Variants in FOXP1 observed in about 807,000 individuals in gnomAD.
FOXP1 encodes the protein forkhead box P1.
Under a neutral mutation model 98.2 loss-of-function variants are expected in FOXP1, and 15 were observed. The ratio of observed to expected loss-of-function variants is 0.15; its 90% confidence interval spans 0.10 to 0.24. The LOEUF (loss-of-function observed/expected upper bound fraction) is 0.24. Among genes scored for constraint, FOXP1 ranks in the 10% least tolerant of loss-of-function variants. The pLI is 1.00. For missense variants in FOXP1, 633 were observed against 848.5 expected, an observed-to-expected ratio of 0.75 and a Z score of 3.15; for synonymous variants, 371 against 314.5, an observed-to-expected ratio of 1.18 and a Z score of -1.90.
intron 3 of FOXP1, among the ~76,000 whole-genome samples, chr3:71,406,100 C>G: frequency 6.6e-6 from 1 of 152,036 alleles, no homozygotes. Context: ...TTCCAGTCAC[C>G]GTACCATACC....
chr3:71,406,425 G>T (rs913897815), intron 3 of FOXP1, among the ~76,000 whole-genome samples: 13 of 66,516 alleles, frequency 2.0e-4, no homozygotes, highest in Non-Finnish European at 3.6e-4. Flanking sequence ...ATATATATAT[G>T]GTACAGTATG....
At chr3:71,298,088 C>G (rs1576837738) in intron 5 of FOXP1, among the ~76,000 whole-genome samples, 2 of 152,144 alleles carry the variant, frequency 1.3e-5, no homozygotes, top group East Asian at 3.9e-4. Flanking sequence ...TGAATGCCCC[C>G]ACAAGTAGAA....
intron 5 of FOXP1, among the ~76,000 whole-genome samples, chr3:71,273,888 G>A (rs2070639749): frequency 6.6e-6 from 1 of 152,228 alleles, no homozygotes; most frequent in African/African-American, 2.4e-5. Context: ...AGGCCATTGT[G>A]AGGCTAGATA....
At chr3:71,552,561 T>A (rs1036657034) in intron 2 of FOXP1, among the ~76,000 whole-genome samples, 2 of 151,840 alleles carry the variant, frequency 1.3e-5, no homozygotes, top group Non-Finnish European at 2.9e-5. Flanking sequence ...TAACAAAAAA[T>A]TCCAAAGGTC....
At chr3:71,279,725 C>G (rs1308802663) in intron 5 of FOXP1, among the ~76,000 whole-genome samples, 2 of 151,950 alleles carry the variant, frequency 1.3e-5, no homozygotes, top group Admixed American at 6.5e-5. Context: ...TCAATTGTTA[C>G]AGAGAGATAT....
chr3:71,537,550 C>G (rs972743921), intron 2 of FOXP1, among the ~76,000 whole-genome samples: 6 of 152,316 alleles, frequency 3.9e-5, no homozygotes, highest in Admixed American at 2.0e-4. Flanking sequence ...CCTTGACTGA[C>G]CCAGATGGGT....
intron 2 of FOXP1, among the ~76,000 whole-genome samples, chr3:71,556,113 T>A (rs2046109222): frequency 6.6e-6 from 1 of 152,084 alleles, no homozygotes; most frequent in Non-Finnish European, 1.5e-5. Context: ...TTAAAGTCTA[T>A]AACGTAAAAA....
At chr3:71,459,805 G>T (rs933066399) in intron 3 of FOXP1, among the ~76,000 whole-genome samples, 2 of 152,010 alleles carry the variant, frequency 1.3e-5, no homozygotes, top group Non-Finnish European at 2.9e-5. Context: ...GTGTTAAGCT[G>T]ATTTCAATTT....
intron 7 of FOXP1, among the ~76,000 whole-genome samples, chr3:71,091,222 G>A (rs2055803503): frequency 6.6e-6 from 1 of 151,784 alleles, no homozygotes; most frequent in Non-Finnish European, 1.5e-5. Context: ...AGGCACGGTG[G>A]CTCACGTCTG....
chr3:71,032,726 C>A (rs1335271878), intron 11 of FOXP1, among the ~76,000 whole-genome samples: 2 of 152,198 alleles, frequency 1.3e-5, no homozygotes, highest in Non-Finnish European at 2.9e-5. Context: ...AAAAAAGCAT[C>A]TTTGCAAATC....
chr3:71,317,471 A>C (rs184491417), intron 4 of FOXP1, among the ~76,000 whole-genome samples: 30 of 152,188 alleles, frequency 2.0e-4, no homozygotes, highest in Admixed American at 1.8e-3. Flanking sequence ...AAATGGCCCC[A>C]CTGGAAAAAA....
chr3:71,412,346 GT>G (rs1312438039), intron 3 of FOXP1, among the ~76,000 whole-genome samples: 2 of 152,296 alleles, frequency 1.3e-5, no homozygotes, highest in African/African-American at 2.4e-5. Context: ...ATAGGGTGGG[GT>G]GAAGGGCAGG....
At chr3:71,206,437 G>A (rs1301226031) in intron 5 of FOXP1, among the ~76,000 whole-genome samples, 1 of 152,120 alleles carries the variant, frequency 6.6e-6, no homozygotes, top group Admixed American at 6.5e-5. Flanking sequence ...TATATATATG[G>A]ACAATTCAGA....
intron 6 of FOXP1, among the ~76,000 whole-genome samples, chr3:71,158,709 C>G (rs937706452): frequency 7.2e-6 from 1 of 138,050 alleles, no homozygotes; most frequent in Non-Finnish European, 1.5e-5. Flanking sequence ...CTCTGGAATT[C>G]TCTTTCAGCC....
chr3:71,237,691 T>C (rs1033199820), intron 5 of FOXP1, among the ~76,000 whole-genome samples: 1 of 152,254 alleles, frequency 6.6e-6, no homozygotes, highest in Non-Finnish European at 1.5e-5. Context: ...TGGCCTGCAG[T>C]GTGTATAAAT....
At chr3:71,417,689 C>T (rs2108308854) in intron 3 of FOXP1, among the ~76,000 whole-genome samples, 1 of 151,940 alleles carries the variant, frequency 6.6e-6, no homozygotes, top group African/African-American at 2.4e-5. Context: ...ACAGTTAATG[C>T]ATCATTTTTA....
At chr3:71,348,383 T>C (rs960957259) in intron 4 of FOXP1, among the ~76,000 whole-genome samples, 1 of 152,070 alleles carries the variant, frequency 6.6e-6, no homozygotes, top group South Asian at 2.1e-4. Flanking sequence ...GTCCCAGATG[T>C]TGGACCAGGC....
intron 20 of FOXP1, among the ~76,000 whole-genome samples, chr3:70,962,887 C>A (rs2033879957): frequency 6.6e-6 from 1 of 152,114 alleles, no homozygotes; most frequent in Admixed American, 6.5e-5. Context: ...ATTTTGCTAA[C>A]CTTATCCAAA....
chr3:71,028,101 C>T (rs758581285), intron 11 of FOXP1, among the ~76,000 whole-genome samples: 26 of 152,092 alleles, frequency 1.7e-4, no homozygotes, highest in Non-Finnish European at 2.9e-4. Flanking sequence ...TCTAGGAAGA[C>T]AAAACCAGAG....
Sources: gnomAD v4.1 joint callset for allele counts (sites outside exome capture counted in the v4.1 genomes callset) on GRCh38, gnomAD v4.1.1 for gene constraint, MANE v1.5 for transcripts, NCBI Gene and HGNC (gene_info 2026-07-23, HGNC 2026-07-21) for gene names.